Variants in TMPRSS15 observed in about 807,000 individuals in gnomAD.
TMPRSS15 encodes transmembrane serine protease 15, also known as enteropeptidase.
In TMPRSS15, 128 loss-of-function variants were observed where a neutral mutation model predicts 125.3. The observed-to-expected ratio is 1.02, with a 90% confidence interval of 0.89 to 1.18. The LOEUF (loss-of-function observed/expected upper bound fraction) is 1.18, where lower values mean the gene tolerates loss of function less well. Among genes scored for constraint, TMPRSS15 ranks in the 50% most tolerant of loss-of-function variants. The pLI is 0.00. For missense variants in TMPRSS15, 1,283 were observed against 1,212.7 expected, an observed-to-expected ratio of 1.06 and a Z score of -0.86; for synonymous variants, 446 against 423.2, an observed-to-expected ratio of 1.05 and a Z score of -0.66.
chr21:18,458,388 A>G (rs1455034410), intron 1 of TMPRSS15, among the ~76,000 whole-genome samples: 1 of 152,176 alleles, frequency 6.6e-6, no homozygotes, highest in Admixed American at 6.6e-5. Context: ...CAATTTACTC[A>G]TATTGAATGC....
intron 7 of TMPRSS15, among the ~76,000 whole-genome samples, chr21:18,363,411 A>G (rs938792632): frequency 6.6e-6 from 1 of 152,268 alleles, no homozygotes; most frequent in South Asian, 2.1e-4. Context: ...TCATTACAGC[A>G]GAAGTTTATT....
At chr21:18,309,489 A>C (rs1442529285) in intron 18 of TMPRSS15, among the ~76,000 whole-genome samples, 1 of 152,206 alleles carries the variant, frequency 6.6e-6, no homozygotes, top group Non-Finnish European at 1.5e-5. Flanking sequence ...AATGGGAGAA[A>C]ATTTTTGCAA....
chr21:18,322,114 C>T (rs1444115606), intron 16 of TMPRSS15, among the ~76,000 whole-genome samples: 1 of 152,174 alleles, frequency 6.6e-6, no homozygotes, highest in Admixed American at 6.5e-5. Context: ...ACATTGTACT[C>T]TGTTTTTGAG....
chr21:18,275,145 T>C (rs2074604017), intron 24 of TMPRSS15, 52 bp downstream of exon 24: 1 of 1,596,052 alleles, frequency 6.3e-7, no homozygotes, highest in Non-Finnish European at 8.6e-7. Flanking sequence ...ATGAAATAAC[T>C]ATAACACCAG....
Position 18,315,341 on chromosome 21 carries a change from A to G in TMPRSS15, c.1922-85T>C, listed in dbSNP as rs1219716190. The G allele has an allele frequency of 6.1e-6, 7 of 1,139,998 alleles. No homozygotes were observed. The East Asian group carries it at 1.2e-4, about 20-fold the overall frequency. The allele number at this position is 1,139,998 out of a possible 1,614,324, so 70.6% of individuals were successfully genotyped here. A position where few individuals can be genotyped will look rare whatever the true frequency, so the allele number is the denominator to read the frequency against. On this transcript the variant is annotated intron_variant, in intron 16 of 24. Transcript: ENST00000284885. ...GTACAAATCCCATTTGCTCCCCTTT[A>G]AACATGAGTCCTTTGCCACAGCTCA...
At chr21:18,457,276 T>C (rs1978460487) in intron 1 of TMPRSS15, among the ~76,000 whole-genome samples, 1 of 152,124 alleles carries the variant, frequency 6.6e-6, no homozygotes, top group Non-Finnish European at 1.5e-5. Context: ...AAAGACAGCA[T>C]GTGAATGGTG....
At chr21:18,377,819 T>C (rs2075858414) in intron 5 of TMPRSS15, among the ~76,000 whole-genome samples, 1 of 152,144 alleles carries the variant, frequency 6.6e-6, no homozygotes, top group African/African-American at 2.4e-5. Context: ...GGTGGCATAC[T>C]TTCCCATGCT....
At chr21:18,397,009 C>G (rs949033545) in intron 3 of TMPRSS15, among the ~76,000 whole-genome samples, 2 of 151,948 alleles carry the variant, frequency 1.3e-5, no homozygotes, top group African/African-American at 4.8e-5. Flanking sequence ...TGCTCTCTTC[C>G]CTTTTTCAGC....
At chr21:18,409,918 CCTTCCTTCCTTCCTTT>C (rs1196938806) in intron 1 of TMPRSS15, among the ~76,000 whole-genome samples, 1 of 133,046 alleles carries the variant, frequency 7.5e-6, no homozygotes, top group African/African-American at 2.9e-5. Flanking sequence ...TCCCTCCCTC[CCTTCCTTCCTTCCTTT>C]CTTCCTTCCT....
intron 24 of TMPRSS15, among the ~76,000 whole-genome samples, chr21:18,272,594 G>A (rs1371586509): frequency 8.6e-5 from 13 of 152,012 alleles, no homozygotes; most frequent in Admixed American, 8.5e-4. Flanking sequence ...GTGTGGTGAT[G>A]GGTGCCTGTA....
At position 18,343,557 on chromosome 21, in the gene TMPRSS15, T is replaced by A. The variant is rs749057741; in HGVS notation, c.1377A>T (p.Gly459=). The A allele has an allele frequency of 6.2e-7, 1 of 1,613,512 alleles. No individual in the cohort carries two copies. Among genetic ancestry groups the A allele is most frequent in the Non-Finnish European group, 8.5e-7 (1 of 1,179,526 alleles). ...KTVFQKEGNY[G]DNWNYGQVTL... Reference sequence around the variant, plus strand: ...TTACTTGTCCATAATTCCAATTGTCTCCATAATTTCCTTCCTTTTGGAAAA... The same window carrying A: ...TTACTTGTCCATAATTCCAATTGTCACCATAATTTCCTTCCTTTTGGAAAA... The change falls in exon 12 of 25, where the codon GGA becomes GGT. Residue 459 remains glycine, a synonymous_variant. Transcript: ENST00000284885.
At chr21:18,273,356 T>C (rs2074583355) in intron 24 of TMPRSS15, among the ~76,000 whole-genome samples, 1 of 152,214 alleles carries the variant, frequency 6.6e-6, no homozygotes, top group African/African-American at 2.4e-5. Context: ...AATGCATTCT[T>C]ATTTAATCAG....
intron 21 of TMPRSS15, among the ~76,000 whole-genome samples, chr21:18,288,513 A>C (rs1008545445): frequency 3.3e-5 from 5 of 150,144 alleles, no homozygotes; most frequent in Non-Finnish European, 5.9e-5. Context: ...CTATTGTCCT[A>C]AGAAAATGCT....
At chr21:18,328,342 C>A (rs957929921) in intron 15 of TMPRSS15, among the ~76,000 whole-genome samples, 2 of 151,952 alleles carry the variant, frequency 1.3e-5, no homozygotes, top group Non-Finnish European at 2.9e-5. Flanking sequence ...GAGACACAGC[C>A]AAAGTAATAA....
intron 15 of TMPRSS15, among the ~76,000 whole-genome samples, chr21:18,326,884 G>A (rs997196811): frequency 3.3e-5 from 5 of 152,112 alleles, no homozygotes; most frequent in Non-Finnish European, 5.9e-5. Flanking sequence ...ACAAATGACT[G>A]ACTACTTATA....
intron 1 of TMPRSS15, among the ~76,000 whole-genome samples, chr21:18,441,688 T>TATC (rs1401098166): frequency 6.8e-6 from 1 of 147,700 alleles, no homozygotes; most frequent in Non-Finnish European, 1.5e-5. Flanking sequence ...TTATTATTAT[T>TATC]ATTATTATTA....
At chr21:18,391,643 C>T (rs1157872552) in intron 3 of TMPRSS15, among the ~76,000 whole-genome samples, 3 of 152,154 alleles carry the variant, frequency 2.0e-5, no homozygotes, top group East Asian at 1.9e-4. Flanking sequence ...TCCAGGCACA[C>T]GGTGTGAGAT....
intron 1 of TMPRSS15, among the ~76,000 whole-genome samples, chr21:18,402,989 G>C (rs926408294): frequency 6.6e-6 from 1 of 152,090 alleles, no homozygotes; most frequent in African/African-American, 2.4e-5. Context: ...TTATATCCAA[G>C]TTATTTTATA....
intron 1 of TMPRSS15, among the ~76,000 whole-genome samples, chr21:18,428,813 T>C (rs1175298679): frequency 5.3e-5 from 8 of 151,960 alleles, no homozygotes; most frequent in Non-Finnish European, 1.0e-4. Flanking sequence ...AGAAGGAAAA[T>C]GTGGGGTTGG....
Sources: gnomAD v4.1 joint callset for allele counts (sites outside exome capture counted in the v4.1 genomes callset) on GRCh38, gnomAD v4.1.1 for gene constraint, MANE v1.5 for transcripts, NCBI Gene and HGNC (gene_info 2026-07-23, HGNC 2026-07-21) for gene names.